Variants in OPCML observed in about 807,000 individuals in gnomAD.
OPCML encodes opioid-binding protein/cell adhesion molecule.
Under a neutral mutation model 37.8 loss-of-function variants are expected in OPCML, and 13 were observed. The ratio of observed to expected loss-of-function variants is 0.34; its 90% CI spans 0.22 to 0.55. OPCML has a LOEUF of 0.55. Among genes scored for constraint, OPCML ranks in the 20% least tolerant of loss-of-function variants. The pLI is 0.91. For missense variants in OPCML, 341 were observed against 435.6 expected (o/e 0.78, Z 1.93); for synonymous variants, 176 against 168.8 (o/e 1.04, Z -0.33).
intron 2 of OPCML, among the ~76,000 whole-genome samples, chr11:132,748,995 A>T (rs974121907): frequency 1.3e-5 from 2 of 152,186 alleles, no homozygotes; most frequent in African/African-American, 4.8e-5. Context: ...TCCCTAAAAA[A>T]ATCCTCTATA....
chr11:132,634,472 A>G (rs73593124), intron 3 of OPCML, among the ~76,000 whole-genome samples: 106 of 152,226 alleles, frequency 7.0e-4, no homozygotes, highest in African/African-American at 2.5e-3. Context: ...GCAAAGGGGG[A>G]CTGAAATGTA....
At chr11:133,242,015 T>C (rs190591581) in intron 1 of OPCML, among the ~76,000 whole-genome samples, 3 of 152,354 alleles carry the variant, frequency 2.0e-5, no homozygotes. Context: ...CTTGCACACT[T>C]AGAATCAATC....
intron 3 of OPCML, among the ~76,000 whole-genome samples, chr11:132,531,729 C>A (rs1039889916): frequency 1.3e-4 from 19 of 149,480 alleles, no homozygotes; most frequent in Admixed American, 1.0e-3. Flanking sequence ...AGCTACACTG[C>A]ATTCTCTTGA....
At chr11:133,166,769 T>G (rs1950214150) in intron 1 of OPCML, among the ~76,000 whole-genome samples, 1 of 152,146 alleles carries the variant, frequency 6.6e-6, no homozygotes, top group Admixed American at 6.5e-5. Context: ...CCAGGATAAT[T>G]CAGATGTGAA....
intron 4 of OPCML, among the ~76,000 whole-genome samples, chr11:132,496,921 C>T (rs111344109): frequency 5.6e-4 from 85 of 152,228 alleles, no homozygotes; most frequent in Middle Eastern, 6.8e-3. Context: ...TCAATAATAA[C>T]GATGAGCAGG....
intron 1 of OPCML, among the ~76,000 whole-genome samples, chr11:133,410,821 T>C: frequency 6.6e-6 from 1 of 152,076 alleles, no homozygotes; most frequent in Non-Finnish European, 1.5e-5. Context: ...ACATTCTGAT[T>C]CTTCTCCTTC....
At chr11:133,001,318 C>G (rs971441718) in intron 1 of OPCML, among the ~76,000 whole-genome samples, 25 of 152,266 alleles carry the variant, frequency 1.6e-4, no homozygotes, top group Admixed American at 1.6e-3. Flanking sequence ...ACAGACACAC[C>G]AATGCATGGC....
At chr11:133,058,201 G>C (rs933147396) in intron 1 of OPCML, among the ~76,000 whole-genome samples, 3 of 152,178 alleles carry the variant, frequency 2.0e-5, no homozygotes. Context: ...TCAAACCATA[G>C]AGGAGGAGGA....
At chr11:132,833,503 T>C (rs769131936) in intron 2 of OPCML, among the ~76,000 whole-genome samples, 1 of 152,230 alleles carries the variant, frequency 6.6e-6, no homozygotes, top group Non-Finnish European at 1.5e-5. Context: ...GAACTTCTTT[T>C]TAATAAGTAG....
intron 2 of OPCML, among the ~76,000 whole-genome samples, chr11:132,836,118 A>T (rs2136290243): frequency 6.6e-6 from 1 of 152,344 alleles, no homozygotes; most frequent in Admixed American, 6.5e-5. Flanking sequence ...GTGAGAACAT[A>T]AACGGCCTCC....
chr11:133,191,514 T>TGG (rs1313651150), intron 1 of OPCML, among the ~76,000 whole-genome samples: 2 of 151,210 alleles, frequency 1.3e-5, no homozygotes, highest in Non-Finnish European at 2.9e-5. Context: ...GGTGTGTGTG[T>TGG]GTGTGTGTGT....
Position 132,467,907 on chromosome 11 carries a change from G to T in OPCML, c.506-30548C>A, listed in dbSNP as rs144744703. 2.0e-5 allele frequency among the ~76,000 whole-genome samples: 3 copies of T among 152,182 alleles called. No homozygotes were observed. In the East Asian group the frequency reaches 5.8e-4, roughly 29 times the overall value. ...AGCCAGGAGAGCTGACAACTCCAGG[G>T]CAAAGTGTTTGGTGTCACGGTGAAC... On this transcript the variant is annotated intron_variant, in intron 4 of 7. Transcript: ENST00000524381.
intron 1 of OPCML, among the ~76,000 whole-genome samples, chr11:133,215,199 A>T (rs1939531862): frequency 6.9e-6 from 1 of 144,904 alleles, no homozygotes; most frequent in Admixed American, 6.7e-5. Context: ...TAAGAGAGAG[A>T]GAGAGAGTGT....
At chr11:133,171,894 C>A (rs1950293399) in intron 1 of OPCML, among the ~76,000 whole-genome samples, 1 of 152,134 alleles carries the variant, frequency 6.6e-6, no homozygotes, top group Non-Finnish European at 1.5e-5. Flanking sequence ...GGGCTGGAAC[C>A]TAGGTACTGC....
chr11:133,456,265 G>T (rs964148254), intron 1 of OPCML, among the ~76,000 whole-genome samples: 4 of 152,172 alleles, frequency 2.6e-5, no homozygotes, highest in Admixed American at 6.5e-5. Flanking sequence ...AGCTATTTTT[G>T]TGGAGAGGGA....
At chr11:132,582,908 T>C (rs750533165) in intron 3 of OPCML, among the ~76,000 whole-genome samples, 98 of 138,784 alleles carry the variant, frequency 7.1e-4, no homozygotes, top group Non-Finnish European at 1.4e-3. Flanking sequence ...TACAATGGAG[T>C]GATCATAGCT....
At chr11:133,352,174 T>C (rs1282953069) in intron 1 of OPCML, among the ~76,000 whole-genome samples, 1 of 152,232 alleles carries the variant, frequency 6.6e-6, no homozygotes, top group East Asian at 1.9e-4. Flanking sequence ...ACTTACTATA[T>C]ACTTAGAATA....
intron 1 of OPCML, among the ~76,000 whole-genome samples, chr11:133,260,709 C>T (rs977379951): frequency 6.6e-6 from 1 of 152,118 alleles, no homozygotes; most frequent in African/African-American, 2.4e-5. Flanking sequence ...AAATCAGAAG[C>T]ACATCAGGAG....
chr11:133,459,278 A>G (rs1487018107), intron 1 of OPCML, among the ~76,000 whole-genome samples: 2 of 152,162 alleles, frequency 1.3e-5, no homozygotes, highest in Non-Finnish European at 2.9e-5. Context: ...TAAAAAATCA[A>G]GTAAACAAAA....
Sources: gnomAD v4.1 joint callset for allele counts (sites outside exome capture counted in the v4.1 genomes callset) on GRCh38, gnomAD v4.1.1 for gene constraint, MANE v1.5 for transcripts, NCBI Gene and HGNC (gene_info 2026-07-23, HGNC 2026-07-21) for gene names.